The following MUC22 variants were observed in gnomAD, a reference collection of about 807,000 sequenced individuals.
The protein encoded by MUC22 is mucin-22.
Under a neutral mutation model 40.3 loss-of-function variants are expected in MUC22, and 24 were observed. That is an observed-to-expected ratio of 0.60 (90% CI 0.43 to 0.84). The LOEUF is 0.84. Among genes scored for constraint, MUC22 ranks in the 40% least tolerant of loss-of-function variants. The pLI is 0.00. For missense variants in MUC22, 1,926 were observed against 2,130.7 expected, an observed-to-expected ratio of 0.90 and a Z score of 1.89; for synonymous variants, 765 against 844.5, an observed-to-expected ratio of 0.91 and a Z score of 1.63.
chr6:31,022,483 C>T (rs1226942322), intron 1 of MUC22, among the ~76,000 whole-genome samples: 5 of 151,580 alleles, frequency 3.3e-5, no homozygotes, highest in Admixed American at 2.6e-4. Flanking sequence ...TGTAAAAGTT[C>T]TTCAGGAAGA....
At chr6:31,025,801 G>T (rs1424080266) in exon 2 of MUC22, 1 of 1,531,916 alleles carries the variant, frequency 6.5e-7, no homozygotes, top group East Asian at 2.5e-5. Context: ...CTCCACTGCA[G>T]GCTCTGAAAC....
upstream of MUC22, among the ~76,000 whole-genome samples, chr6:31,006,440 G>T (rs1763526654): frequency 6.6e-6 from 1 of 152,206 alleles, no homozygotes; most frequent in African/African-American, 2.4e-5. Context: ...TGATGAATAG[G>T]TGGAGCACAG....
At chr6:31,018,378 C>T (rs1293792307) in intron 1 of MUC22, among the ~76,000 whole-genome samples, 2 of 152,206 alleles carry the variant, frequency 1.3e-5, no homozygotes, top group African/African-American at 4.8e-5. Context: ...AACCCAGTTG[C>T]AATTCCCGAA....
chr6:31,021,871 T>C (rs1764784550), intron 1 of MUC22, among the ~76,000 whole-genome samples: 1 of 151,736 alleles, frequency 6.6e-6, no homozygotes, highest in Non-Finnish European at 1.5e-5. Flanking sequence ...GTGGAAACTT[T>C]GTTCTTTTGC....
rs3084519 is a variant in MUC22 at position 31,020,441 on chromosome 6, C to CTTTTTTTTTTT, written c.71-5052_71-5042dup. On this transcript the variant is annotated intron_variant, in intron 1 of 3. Transcript: ENST00000561890. Reference sequence around the variant, plus strand: ...GAAGACCTTGCCTCCTGGAAATTGACTTTTTTTTTTTTTTTTTTTGATACG... The same window carrying CTTTTTTTTTTT: ...GAAGACCTTGCCTCCTGGAAATTGACTTTTTTTTTTTTTTTTTTTTTTTTTTTTTTGATACG... Among the ~76,000 whole-genome samples, 23 of 126,698 alleles carry CTTTTTTTTTTT rather than the reference C, an allele frequency of 1.8e-4. 2 individuals carry two copies. In the East Asian group the frequency reaches 4.0e-3, roughly 22 times the overall value. The allele number at this position is 126,698 out of a possible 152,430, so 83.1% of individuals were successfully genotyped here.
Position 31,023,439 on chromosome 6 carries a change from G to A in MUC22, c.71-2063G>A, listed in dbSNP as rs182608138. Among the ~76,000 whole-genome samples the A allele has an allele frequency of 2.6e-5, 4 of 152,104 alleles. No homozygotes were observed. In the East Asian group the frequency reaches 7.7e-4, roughly 29 times the overall value. On this transcript the variant is annotated intron_variant, in intron 1 of 3. Coordinates refer to ENST00000561890, the Ensembl canonical transcript of MUC22. The stretch of plus-strand genomic sequence containing the variant: ...TCGTGCCTGTGATCCTAGATAGTTC[G>A]GAGGCTGAGGCAGGAGGATTTCTTG...
intron 1 of MUC22, among the ~76,000 whole-genome samples, chr6:31,020,314 A>T (rs1478228294): frequency 6.6e-6 from 1 of 152,220 alleles, no homozygotes; most frequent in African/African-American, 2.4e-5. Flanking sequence ...CATCATTAAA[A>T]TACTGAAAGA....
chr6:31,034,199 G>A (rs1473169885), intron 3 of MUC22, among the ~76,000 whole-genome samples: 1 of 152,206 alleles, frequency 6.6e-6, no homozygotes, highest in Admixed American at 6.5e-5. Context: ...TCTAACTCAG[G>A]TTAGTTGGAT....
upstream of MUC22, among the ~76,000 whole-genome samples, chr6:31,005,967 C>A (rs779902024): frequency 6.6e-6 from 1 of 152,080 alleles, no homozygotes; most frequent in Non-Finnish European, 1.5e-5. Context: ...AACTAGCTGG[C>A]GTGGTGGCAG....
intron 1 of MUC22, among the ~76,000 whole-genome samples, chr6:31,022,379 G>A (rs946484086): frequency 6.6e-6 from 1 of 152,046 alleles, no homozygotes; most frequent in Non-Finnish European, 1.5e-5. Flanking sequence ...GGTTAGGCTG[G>A]TATCGAACTC....
Position 31,011,275 on chromosome 6 carries a change from C to CCAAGCAG in MUC22, c.70+499_70+500insCAAGCAG, listed in dbSNP as rs764522662. ...AGTGCTTTATTGGTGAATTGTGAGA[C>CCAAGCAG]TTTGGTGCACCCGTCACCAAGCAGT... is the stretch of plus-strand genomic sequence containing the variant. On this transcript the variant is annotated intron_variant, in intron 1 of 3. Coordinates refer to ENST00000561890, the Ensembl canonical transcript of MUC22. This position sits in a 1 kb window ranked among gnomAD's most constrained non-coding sequence, Gnocchi z 4.5. Among the ~76,000 whole-genome samples, 188 of 151,940 alleles carry CCAAGCAG rather than the reference C, an allele frequency of 1.2e-3. 2 individuals carry two copies. Among genetic ancestry groups the CCAAGCAG allele is most frequent in the Non-Finnish European group, 1.6e-3 (108 of 67,966 alleles).
intron 1 of MUC22, among the ~76,000 whole-genome samples, chr6:31,024,842 T>A (rs1417796142): frequency 6.6e-6 from 1 of 151,882 alleles, no homozygotes; most frequent in Admixed American, 6.6e-5. Context: ...GTGATGTCCT[T>A]CTCCTGGCCT....
Position 31,032,222 on chromosome 6 carries a change from A to G in MUC22, c.4696A>G (p.Thr1566Ala). The G allele has an allele frequency of 6.5e-7, 1 of 1,535,192 alleles. No individual in the cohort carries two copies. Among genetic ancestry groups the G allele is most frequent in the Non-Finnish European group, 8.7e-7 (1 of 1,146,626 alleles). ...CACCAGAACCACTGGAACCAGACTC[A>G]CTGCCTCCAGCTCTGTCACCATGGC... The change falls in exon 3 of 4, where the codon ACT becomes GCT. Residue 1566 changes from threonine (T) to alanine (A), a missense_variant. Coordinates refer to ENST00000561890, the Ensembl canonical transcript of MUC22. This position sits in a 1 kb window ranked among gnomAD's most constrained non-coding sequence, Gnocchi z 4.1.
chr6:31,015,702 C>T (rs558297385), intron 1 of MUC22, among the ~76,000 whole-genome samples: 2 of 152,264 alleles, frequency 1.3e-5, no homozygotes, highest in Admixed American at 6.5e-5. Context: ...GATTACTGAC[C>T]TCTTGTAAAA....
At chr6:31,019,329 C>T (rs1215865980) in intron 1 of MUC22, among the ~76,000 whole-genome samples, 1 of 152,218 alleles carries the variant, frequency 6.6e-6, no homozygotes, top group Non-Finnish European at 1.5e-5. Context: ...AAGGTATCTC[C>T]CCTGCTACCA....
At chr6:31,007,931 A>G (rs553792241), upstream of MUC22, among the ~76,000 whole-genome samples, 16 of 152,252 alleles carry the variant, frequency 1.1e-4, no homozygotes, top group African/African-American at 3.6e-4. The surrounding 1 kb of genome is among the most constrained non-coding windows in gnomAD (Gnocchi z 4.0). Flanking sequence ...TTTTCCCGAC[A>G]TGTCCCTTAT....
At chr6:31,016,457 T>G (rs1003031490) in intron 1 of MUC22, among the ~76,000 whole-genome samples, 27 of 150,148 alleles carry the variant, frequency 1.8e-4, no homozygotes, top group African/African-American at 6.2e-4. Flanking sequence ...CAGTATCTAG[T>G]GTTGGCTAAT....
chr6:31,025,544 C>G, exon 2 of MUC22: 2 of 1,524,874 alleles, frequency 1.3e-6, no homozygotes, highest in Non-Finnish European at 1.8e-6. Context: ...TCCGACACCA[C>G]CACAGCCTCC....
exon 2 of MUC22, chr6:31,029,719 A>G (rs1765874544): frequency 1.3e-6 from 2 of 1,533,028 alleles, no homozygotes; most frequent in African/African-American, 1.4e-5. Context: ...CACCACCTCT[A>G]CTGAAGGCTC....
Sources: gnomAD v4.1 joint callset for allele counts (sites outside exome capture counted in the v4.1 genomes callset) on GRCh38, gnomAD v4.1.1 for gene constraint, Gnocchi (gnomAD v3.1) non-coding constraint, MANE v1.5 for transcripts, NCBI Gene and HGNC (gene_info 2026-07-23, HGNC 2026-07-21) for gene names.